ERC2: variants seen among roughly 807,000 people sequenced by gnomAD.
ERC2 encodes the protein ERC protein 2.
ERC2 carries 42 observed loss-of-function variants against 114.8 expected under a neutral mutation model. That is an observed-to-expected ratio of 0.37 (90% confidence interval 0.29 to 0.47). The LOEUF (loss-of-function observed/expected upper bound fraction) is 0.47. Ranked by LOEUF, ERC2 falls within the 20% of genes least tolerant of loss-of-function variation. The pLI is 0.99. For missense variants in ERC2, 939 were observed against 1,150.7 expected, an observed-to-expected ratio of 0.82 and a Z score of 2.66; for synonymous variants, 454 against 425.5, an observed-to-expected ratio of 1.07 and a Z score of -0.82.
chr3:55,870,465 T>G (rs1304427491), intron 14 of ERC2, among the ~76,000 whole-genome samples: 1 of 152,228 alleles, frequency 6.6e-6, no homozygotes, highest in Non-Finnish European at 1.5e-5. Flanking sequence ...ACTTAGCAAG[T>G]CTTAGCAATC....
chr3:55,808,725 ATATATATATATATATAT>A (rs1559689272), intron 14 of ERC2, among the ~76,000 whole-genome samples: 4,452 of 125,674 alleles, frequency 0.035, 163 homozygotes, highest in Middle Eastern at 0.084. Context: ...ATATATATAT[ATATATATATATATATAT>A]AACGTATAAC....
chr3:56,321,603 A>C (rs2057130245), intron 2 of ERC2, among the ~76,000 whole-genome samples: 1 of 152,192 alleles, frequency 6.6e-6, no homozygotes, highest in Admixed American at 6.5e-5. Context: ...ACAGATACAC[A>C]GTTGCCTTAT....
intron 17 of ERC2, among the ~76,000 whole-genome samples, chr3:55,532,648 G>A (rs1019234606): frequency 1.3e-5 from 2 of 152,138 alleles, no homozygotes; most frequent in Non-Finnish European, 2.9e-5. Flanking sequence ...GGACTGAACA[G>A]GTCAGGACCA....
chr3:56,125,328 T>C (rs1451333069), intron 6 of ERC2, among the ~76,000 whole-genome samples: 1 of 152,196 alleles, frequency 6.6e-6, no homozygotes, highest in East Asian at 1.9e-4. Flanking sequence ...AATAAAGTTT[T>C]CTAAACTTTA....
At chr3:55,750,635 G>T (rs1192477298) in intron 14 of ERC2, among the ~76,000 whole-genome samples, 1 of 152,174 alleles carries the variant, frequency 6.6e-6, no homozygotes, top group East Asian at 1.9e-4. Context: ...GATGGGGTAA[G>T]TGTCTGATTG....
intron 15 of ERC2, among the ~76,000 whole-genome samples, chr3:55,714,696 T>C (rs1272472802): frequency 1.9e-5 from 2 of 107,882 alleles, no homozygotes; most frequent in African/African-American, 3.9e-5. Flanking sequence ...TATATATATA[T>C]ATATATATAT....
At chr3:55,574,557 A>G (rs1189687406) in intron 17 of ERC2, among the ~76,000 whole-genome samples, 2 of 152,014 alleles carry the variant, frequency 1.3e-5, no homozygotes, top group Admixed American at 1.3e-4. Context: ...CAGGTCTGTT[A>G]CCTACTAGTT....
At chr3:56,180,269 G>C (rs943832972) in intron 3 of ERC2, among the ~76,000 whole-genome samples, 1 of 152,186 alleles carries the variant, frequency 6.6e-6, no homozygotes, top group Non-Finnish European at 1.5e-5. Context: ...TGCTGTGGAA[G>C]AACAGGAGGA....
intron 14 of ERC2, among the ~76,000 whole-genome samples, chr3:55,764,337 C>G (rs2067636806): frequency 6.6e-6 from 1 of 152,208 alleles, no homozygotes; most frequent in Admixed American, 6.5e-5. Context: ...ATAGGCCATT[C>G]TCTCCTCCTC....
At chr3:55,755,474 T>G (rs1475370800) in intron 14 of ERC2, among the ~76,000 whole-genome samples, 1 of 152,220 alleles carries the variant, frequency 6.6e-6, no homozygotes. Context: ...AAGGCATTAT[T>G]GCTTCTGTAA....
chr3:55,966,813 A>G (rs2068779478), intron 12 of ERC2, among the ~76,000 whole-genome samples: 1 of 152,202 alleles, frequency 6.6e-6, no homozygotes, highest in Admixed American at 6.5e-5. Flanking sequence ...CCAAAGCTAC[A>G]TGACTCCCAC....
At chr3:55,998,054 C>T (rs11720792) in intron 10 of ERC2, among the ~76,000 whole-genome samples, 34,572 of 150,164 alleles carry the variant, frequency 0.23, 4,450 homozygotes, top group Admixed American at 0.31. Flanking sequence ...CACAAGCCGC[C>T]ACACCCAGCC....
chr3:56,234,655 T>C (rs1411575587), intron 3 of ERC2, among the ~76,000 whole-genome samples: 6 of 152,174 alleles, frequency 3.9e-5, no homozygotes, highest in Non-Finnish European at 8.8e-5. Flanking sequence ...TTATCCTGGT[T>C]CTGGAGACTG....
chr3:55,664,717 A>G (rs756517150), intron 17 of ERC2, among the ~76,000 whole-genome samples: 6 of 152,200 alleles, frequency 3.9e-5, no homozygotes, highest in Non-Finnish European at 8.8e-5. Flanking sequence ...ACCGCGGCCC[A>G]GAGCTTCAGG....
At chr3:56,061,159 C>T (rs1429279266) in intron 7 of ERC2, among the ~76,000 whole-genome samples, 4 of 152,242 alleles carry the variant, frequency 2.6e-5, no homozygotes, top group Non-Finnish European at 4.4e-5. Context: ...GCTGCAGGCA[C>T]GACTGCACAT....
chr3:55,891,978 T>C (rs1202025648), intron 13 of ERC2, among the ~76,000 whole-genome samples: 1 of 152,228 alleles, frequency 6.6e-6, no homozygotes, highest in African/African-American at 2.4e-5. Context: ...CATATGTAGT[T>C]TGTGTCTTCA....
chr3:55,594,311 C>T (rs931431838), intron 17 of ERC2, among the ~76,000 whole-genome samples: 1 of 152,098 alleles, frequency 6.6e-6, no homozygotes, highest in Admixed American at 6.5e-5. Context: ...CAGAATAACA[C>T]TGTTTAACTT....
At chr3:55,751,692 A>C (rs961721647) in intron 14 of ERC2, among the ~76,000 whole-genome samples, 2 of 152,194 alleles carry the variant, frequency 1.3e-5, no homozygotes, top group African/African-American at 4.8e-5. Flanking sequence ...GGCTGAGGCC[A>C]AGTTAGTAAC....
chr3:56,074,492 A>C (rs2076884697), intron 7 of ERC2, among the ~76,000 whole-genome samples: 1 of 152,212 alleles, frequency 6.6e-6, no homozygotes, highest in South Asian at 2.1e-4. Flanking sequence ...TCACTCTCAT[A>C]AAATATCACC....
Sources: gnomAD v4.1 joint callset for allele counts (sites outside exome capture counted in the v4.1 genomes callset) on GRCh38, gnomAD v4.1.1 for gene constraint, MANE v1.5 for transcripts, NCBI Gene and HGNC (gene_info 2026-07-23, HGNC 2026-07-21) for gene names.